Variants in LPP observed in about 807,000 individuals in gnomAD.
The protein encoded by LPP is LIM domain containing preferred translocation partner in lipoma, also known as lipoma-preferred partner.
In LPP, 38 loss-of-function variants were observed where a neutral mutation model predicts 60.4. That is an observed-to-expected ratio of 0.63 (90% CI 0.49 to 0.83). LPP has a LOEUF of 0.83. LPP is among the 40% of genes least tolerant of loss of function. LPP has a pLI of 0.00. For synonymous variants in LPP, 328 were observed against 290.8 expected (o/e 1.13, Z -1.30); for missense variants, 902 against 783.6 (o/e 1.15, Z -1.80).
intron 2 of LPP, among the ~76,000 whole-genome samples, chr3:188,333,771 A>G (rs1054842874): frequency 6.6e-6 from 1 of 152,210 alleles, no homozygotes; most frequent in African/African-American, 2.4e-5. Flanking sequence ...GTACATGTTT[A>G]CGGGGTACAG....
chr3:188,466,834 T>TATATATATATAG lies in LPP; in HGVS notation c.194-17750_194-17749insATAGATATATAT, dbSNP rs1553906195. ...ATATATATATATATATATATATATATATATATATGCTGTGTAAACTCCACC... is the reference window on the plus strand; with the variant it reads ...ATATATATATATATATATATATATATATATATATATAGATATATATGCTGTGTAAACTCCACC... On this transcript the variant is annotated intron_variant, in intron 4 of 11. Transcript: ENST00000617246. Among the ~76,000 whole-genome samples, 174 of 126,140 alleles carry TATATATATATAG rather than the reference T, an allele frequency of 1.4e-3. 2 individuals carry two copies. Among genetic ancestry groups the TATATATATATAG allele is most frequent in the Non-Finnish European group, 1.7e-3 (102 of 60,700 alleles). 82.8% of individuals were successfully genotyped at this position (126,140 alleles called of 152,430 possible).
At chr3:188,438,691 TC>T (rs1222067741) in intron 4 of LPP, among the ~76,000 whole-genome samples, 2 of 152,150 alleles carry the variant, frequency 1.3e-5, no homozygotes, top group Admixed American at 6.6e-5. Flanking sequence ...TTTTTACACT[TC>T]CTGAGGCTAT....
At chr3:188,529,652 C>T (rs963010084) in intron 6 of LPP, among the ~76,000 whole-genome samples, 1 of 152,206 alleles carries the variant, frequency 6.6e-6, no homozygotes, top group Non-Finnish European at 1.5e-5. Flanking sequence ...GTTATGTTCA[C>T]TTACTAATCC....
chr3:188,823,485 GA>G (rs1171714031), intron 9 of LPP, among the ~76,000 whole-genome samples: 1 of 151,772 alleles, frequency 6.6e-6, no homozygotes, highest in South Asian at 2.1e-4. Flanking sequence ...GGGGGGAGCA[GA>G]AAAAAACAAA....
chr3:188,783,263 G>A (rs1331127627), intron 9 of LPP, among the ~76,000 whole-genome samples: 1 of 152,060 alleles, frequency 6.6e-6, no homozygotes, highest in Non-Finnish European at 1.5e-5. Context: ...TAGAAATGCT[G>A]TCTCCACACT....
chr3:188,235,206 G>T (rs1721460590), intron 2 of LPP, among the ~76,000 whole-genome samples: 1 of 152,168 alleles, frequency 6.6e-6, no homozygotes, highest in African/African-American at 2.4e-5. Context: ...CTGTGGAACG[G>T]GTGCAAACTC....
intron 2 of LPP, among the ~76,000 whole-genome samples, chr3:188,285,694 T>G (rs1033461378): frequency 1.1e-4 from 16 of 152,140 alleles, no homozygotes; most frequent in African/African-American, 3.9e-4. Context: ...GAGCCACTGT[T>G]TCTGGCCTCC....
intron 4 of LPP, among the ~76,000 whole-genome samples, chr3:188,420,059 C>G (rs1235160724): frequency 2.0e-5 from 3 of 151,690 alleles, no homozygotes; most frequent in Non-Finnish European, 4.4e-5. Flanking sequence ...AACATTAGCT[C>G]TGAGGGTTCT....
At chr3:188,321,844 G>T (rs1757048686) in intron 2 of LPP, among the ~76,000 whole-genome samples, 1 of 152,162 alleles carries the variant, frequency 6.6e-6, no homozygotes, top group African/African-American at 2.4e-5. Flanking sequence ...ACTTTGTGAA[G>T]CTACCTTGTA....
At chr3:188,653,549 TA>T (rs1171794000) in intron 7 of LPP, among the ~76,000 whole-genome samples, 1 of 152,130 alleles carries the variant, frequency 6.6e-6, no homozygotes, top group African/African-American at 2.4e-5. Flanking sequence ...CCATATATAA[TA>T]GATGGTCCAG....
At chr3:188,612,250 T>A (rs977082971) in intron 7 of LPP, among the ~76,000 whole-genome samples, 1 of 152,110 alleles carries the variant, frequency 6.6e-6, no homozygotes, top group Admixed American at 6.6e-5. Context: ...GTCTGTGCTT[T>A]GGGAAAGGGG....
Position 188,691,927 on chromosome 3 carries a change from A to T in LPP, c.1114-16340A>T, listed in dbSNP as rs933400170. On this transcript the variant is annotated intron_variant, in intron 7 of 11. Transcript: ENST00000617246. ...GTAAGTACTTAAGGAGTGGATGGGA[A>T]GTATTCCTGGAAACTCACAGCTAAG... Among the ~76,000 whole-genome samples, 4 of 152,268 alleles carry T rather than the reference A, an allele frequency of 2.6e-5. No individual in the cohort carries two copies. The South Asian group carries it at 8.3e-4, about 32-fold the overall frequency.
intron 9 of LPP, among the ~76,000 whole-genome samples, chr3:188,827,028 T>G (rs894147886): frequency 6.6e-6 from 1 of 152,186 alleles, no homozygotes; most frequent in Non-Finnish European, 1.5e-5. Flanking sequence ...GGAATGCTGG[T>G]GCAAACAGTT....
chr3:188,460,755 A>C (rs2149429210), intron 4 of LPP, among the ~76,000 whole-genome samples: 1 of 152,348 alleles, frequency 6.6e-6, no homozygotes, highest in South Asian at 2.1e-4. Flanking sequence ...TTGTGTAATT[A>C]GTGATAGCTT....
chr3:188,846,683 C>CAAA (rs34230552), intron 9 of LPP, among the ~76,000 whole-genome samples: 30 of 84,486 alleles, frequency 3.6e-4, no homozygotes, highest in African/African-American at 5.7e-4. Context: ...GATTCCATCT[C>CAAA]AAAAAAAAAA....
chr3:188,231,782 G>T (rs575577759), intron 2 of LPP, among the ~76,000 whole-genome samples: 7 of 152,160 alleles, frequency 4.6e-5, no homozygotes, highest in African/African-American at 1.7e-4. Context: ...ACTCTCTCCT[G>T]TCCCAGAAAC....
chr3:188,686,200 C>A (rs117411999), intron 7 of LPP, among the ~76,000 whole-genome samples: 1 of 152,020 alleles, frequency 6.6e-6, no homozygotes, highest in Non-Finnish European at 1.5e-5. Flanking sequence ...TAAATGTAGC[C>A]ATTGATATTA....
At chr3:188,532,216 G>A (rs1822367307) in intron 6 of LPP, among the ~76,000 whole-genome samples, 3 of 152,112 alleles carry the variant, frequency 2.0e-5, no homozygotes, top group African/African-American at 7.2e-5. Context: ...AGACCAGCCT[G>A]GTAAACATGG....
rs142374028 is a variant in LPP, at chr3:188,766,378, C to CAAAAAAAAAAAAAAA, written c.1410+6106_1410+6107insAAAAAAAAAAAAAAA. On this transcript the variant is annotated intron_variant, in intron 9 of 11. Coordinates refer to ENST00000617246, the MANE Select transcript of LPP (RefSeq NM_001375462.1). ...CTTGAGCATTTGAGGCCTTAAAAAG[C>CAAAAAAAAAAAAAAA]AAAAAAAAAAGGTTAAAAATATTTA... Among the ~76,000 whole-genome samples the CAAAAAAAAAAAAAAA allele has an allele frequency of 2.0e-4, 25 of 124,664 alleles. 1 individual carries two copies. Among genetic ancestry groups the CAAAAAAAAAAAAAAA allele is most frequent in the South Asian group, 3.7e-4 (1 of 2,738 alleles). 81.8% of individuals were successfully genotyped at this position (124,664 alleles called of 152,430 possible).
Sources: gnomAD v4.1 joint callset for allele counts (sites outside exome capture counted in the v4.1 genomes callset) on GRCh38, gnomAD v4.1.1 for gene constraint, MANE v1.5 for transcripts, NCBI Gene and HGNC (gene_info 2026-07-23, HGNC 2026-07-21) for gene names.